The following DGKB variants were observed in gnomAD, a reference collection of about 807,000 sequenced individuals.
The protein encoded by DGKB is 90 kDa diacylglycerol kinase.
DGKB carries 67 observed loss-of-function variants against 114.3 expected under a neutral mutation model. The ratio of observed to expected loss-of-function variants is 0.59; its 90% CI spans 0.48 to 0.72. The LOEUF (loss-of-function observed/expected upper bound fraction) is 0.72, where lower values mean the gene tolerates loss of function less well. Among genes scored for constraint, DGKB ranks in the 30% least tolerant of loss-of-function variants. The probability of loss-of-function intolerance (pLI) is 0.00; values close to 1 mark genes in which losing one functional copy is unlikely to be tolerated. For missense variants in DGKB, 907 were observed against 975.2 expected, an observed-to-expected ratio of 0.93 and a Z score of 0.93; for synonymous variants, 398 against 323.1, an observed-to-expected ratio of 1.23 and a Z score of -2.49.
chr7:14,705,703 T>C (rs1207539637), intron 6 of DGKB, among the ~76,000 whole-genome samples: 1 of 150,176 alleles, frequency 6.7e-6, no homozygotes, highest in Non-Finnish European at 1.5e-5. Flanking sequence ...GAATTTCATA[T>C]CCAGCCAAAC....
At chr7:14,484,506 C>T (rs1259573324) in intron 20 of DGKB, among the ~76,000 whole-genome samples, 22 of 152,276 alleles carry the variant, frequency 1.4e-4, no homozygotes, top group Non-Finnish European at 5.9e-5. Context: ...GGCATCTCCC[C>T]CCACCTCTTG....
intron 25 of DGKB, among the ~76,000 whole-genome samples, chr7:14,170,197 GAAAGAAAT>G (rs1562524303): frequency 7.2e-5 from 10 of 138,122 alleles, no homozygotes; most frequent in Non-Finnish European, 1.1e-4. Context: ...AAGAAAGAAA[GAAAGAAAT>G]ACATTAAGCC....
intron 23 of DGKB, among the ~76,000 whole-genome samples, chr7:14,244,023 CTG>C (rs1794046748): frequency 6.7e-6 from 1 of 148,830 alleles, no homozygotes; most frequent in Admixed American, 6.8e-5. Context: ...ATGAGAGATT[CTG>C]AGAGAGAGAG....
chr7:14,351,838 GA>G (rs1813497982), intron 21 of DGKB, among the ~76,000 whole-genome samples: 1 of 152,140 alleles, frequency 6.6e-6, no homozygotes, highest in African/African-American at 2.4e-5. Context: ...ACATGTTATA[GA>G]AAGAACTCCA....
intron 1 of DGKB, among the ~76,000 whole-genome samples, chr7:14,876,917 G>T (rs1354944676): frequency 6.6e-6 from 1 of 152,088 alleles, no homozygotes; most frequent in African/African-American, 2.4e-5. Flanking sequence ...TACTAAACAA[G>T]ATTAGCAATA....
chr7:14,385,246 C>T (rs777733724), intron 21 of DGKB, among the ~76,000 whole-genome samples: 3 of 151,980 alleles, frequency 2.0e-5, no homozygotes, highest in Non-Finnish European at 2.9e-5. Flanking sequence ...ATTCCATGGC[C>T]AAAAGTACTA....
At chr7:14,204,325 C>T (rs1237801001) in intron 23 of DGKB, among the ~76,000 whole-genome samples, 1 of 151,820 alleles carries the variant, frequency 6.6e-6, no homozygotes, top group East Asian at 1.9e-4. Flanking sequence ...ATGTTTAATC[C>T]TGATGTGGCC....
chr7:14,525,979 C>T (rs1167034722), intron 20 of DGKB, among the ~76,000 whole-genome samples: 1 of 151,970 alleles, frequency 6.6e-6, no homozygotes, highest in Non-Finnish European at 1.5e-5. Context: ...AAAATATGTG[C>T]ACATTCTCAA....
chr7:14,757,067 A>G (rs1403658129), intron 3 of DGKB, among the ~76,000 whole-genome samples: 2 of 152,128 alleles, frequency 1.3e-5, no homozygotes, highest in African/African-American at 4.8e-5. Flanking sequence ...GCTTACTGGT[A>G]AAAGGTAAAA....
At chr7:14,965,592 T>C (rs1175471097) in intron 1 of DGKB, among the ~76,000 whole-genome samples, 1 of 152,110 alleles carries the variant, frequency 6.6e-6, no homozygotes, top group Admixed American at 6.6e-5. Context: ...TTCATGGTTA[T>C]CAATTAATGA....
chr7:14,310,492 G>A (rs1259801183), intron 23 of DGKB, among the ~76,000 whole-genome samples: 1 of 152,114 alleles, frequency 6.6e-6, no homozygotes, highest in Non-Finnish European at 1.5e-5. Context: ...GTTCCTATAG[G>A]CAAGACAGAT....
At chr7:14,376,209 C>T (rs1418220643) in intron 21 of DGKB, among the ~76,000 whole-genome samples, 2 of 152,172 alleles carry the variant, frequency 1.3e-5, no homozygotes, top group South Asian at 2.1e-4. Context: ...TGACCTGGCC[C>T]GAGGCACCCA....
chr7:14,824,551 A>T (rs1350399116), intron 2 of DGKB, among the ~76,000 whole-genome samples: 1 of 152,114 alleles, frequency 6.6e-6, no homozygotes, highest in Non-Finnish European at 1.5e-5. Flanking sequence ...AAGCTACATT[A>T]TATAATATAG....
intron 23 of DGKB, among the ~76,000 whole-genome samples, chr7:14,279,797 TA>T: frequency 6.8e-6 from 1 of 146,730 alleles, no homozygotes; most frequent in Non-Finnish European, 1.5e-5. Flanking sequence ...CAGCTGAGGG[TA>T]CTGTCTGTCA....
chr7:14,401,671 G>A (rs540049548), intron 21 of DGKB, among the ~76,000 whole-genome samples: 17 of 151,726 alleles, frequency 1.1e-4, no homozygotes, highest in African/African-American at 3.6e-4. Context: ...AAACATAATC[G>A]CTTGCAATAG....
chr7:14,671,344 T>C (rs1254263229), intron 13 of DGKB, among the ~76,000 whole-genome samples: 6 of 152,122 alleles, frequency 3.9e-5, no homozygotes, highest in Non-Finnish European at 5.9e-5. Flanking sequence ...AAATGCTCAA[T>C]AGTCATCACA....
chr7:14,450,336 G>A (rs935778341), intron 21 of DGKB, among the ~76,000 whole-genome samples: 3 of 152,092 alleles, frequency 2.0e-5, no homozygotes, highest in African/African-American at 4.8e-5. Context: ...CTTGCTAAAT[G>A]ATAAAGCGTT....
At chr7:14,330,352 A>T (rs1359585971) in intron 23 of DGKB, among the ~76,000 whole-genome samples, 1 of 151,968 alleles carries the variant, frequency 6.6e-6, no homozygotes, top group Non-Finnish European at 1.5e-5. Context: ...GTTGCTCATT[A>T]TTCTGCCATC....
intron 20 of DGKB, among the ~76,000 whole-genome samples, chr7:14,495,052 G>A (rs1584379402): frequency 6.6e-6 from 1 of 151,760 alleles, no homozygotes; most frequent in South Asian, 2.1e-4. Context: ...ATTTTCTGTT[G>A]CTTAAATGAA....
Sources: allele counts gnomAD v4.1 joint callset (sites outside exome capture counted in the v4.1 genomes callset), GRCh38; gene constraint gnomAD v4.1.1; transcripts MANE v1.5; gene names NCBI Gene and HGNC (gene_info 2026-07-23, HGNC 2026-07-21).